CLEC1A: variants seen among roughly 807,000 people sequenced by gnomAD.
The protein encoded by CLEC1A is C-type lectin-like receptor-1.
A neutral mutation model predicts 28.7 loss-of-function variants in CLEC1A; 34 were observed. That is an observed-to-expected ratio of 1.18 (90% CI 0.90 to 1.57). The LOEUF (loss-of-function observed/expected upper bound fraction) is 1.57. Among genes scored for constraint, CLEC1A ranks in the 40% most tolerant of loss-of-function variants. The probability of loss-of-function intolerance (pLI) is 0.00; values close to 1 mark genes in which losing one functional copy is unlikely to be tolerated. For missense variants in CLEC1A, 385 were observed against 339.5 expected (o/e 1.13, Z -1.05); for synonymous variants, 116 against 121.0 (o/e 0.96, Z 0.27).
intron 2 of CLEC1A, among the ~76,000 whole-genome samples, chr12:10,085,091 C>T (rs1022997565): frequency 7.3e-5 from 11 of 151,664 alleles, no homozygotes; most frequent in Admixed American, 1.3e-4. Context: ...CAAGACAGAG[C>T]TACAAGAAAT....
At chr12:10,075,745 A>AT (rs1866239349) in intron 3 of CLEC1A, 90 bp from the exon 4 acceptor site, 1 of 1,118,110 alleles carries the variant, frequency 8.9e-7, no homozygotes, top group South Asian at 1.5e-5. Context: ...GTCCTAAGAA[A>AT]GAATTAACTC....
Position 10,069,881 on chromosome 12 carries a change from A to G in CLEC1A, c.*1452T>C, listed in dbSNP as rs1866090681. On this transcript the variant is annotated 3_prime_UTR_variant, in exon 6 of 6. Coordinates refer to ENST00000315330, the MANE Select transcript of CLEC1A (RefSeq NM_016511.4). ...ATGAAGTTTATGAAAATGAGCACCAATGTGTTCTTTCTATCATATGATTGC... is the reference window on the plus strand; with the variant it reads ...ATGAAGTTTATGAAAATGAGCACCAGTGTGTTCTTTCTATCATATGATTGC... The G allele has an allele frequency of 6.6e-6, 1 of 152,224 alleles. No homozygotes were observed. The highest frequency in any genetic ancestry group is 1.9e-4 in the East Asian group (1 of 5,200). The allele number at this position is 152,224 out of a possible 1,614,324, so 9.4% of individuals were successfully genotyped here.
intron 4 of CLEC1A, among the ~76,000 whole-genome samples, chr12:10,074,614 G>C (rs1175304650): frequency 6.6e-6 from 1 of 152,032 alleles, no homozygotes; most frequent in South Asian, 2.1e-4. Flanking sequence ...AAATTAGGAG[G>C]GTTTATGCTA....
At chr12:10,086,842 CACAGAACAAAAAGAAAACT>C (rs908127377) in intron 2 of CLEC1A, among the ~76,000 whole-genome samples, 1 of 152,004 alleles carries the variant, frequency 6.6e-6, no homozygotes, top group Admixed American at 6.6e-5. Flanking sequence ...ACCAGGAAAG[CACAGAACAAAAAGAAAACT>C]ACAGACCAAT....
intron 1 of CLEC1A, among the ~76,000 whole-genome samples, chr12:10,091,804 A>C (rs1445909019): frequency 4.6e-5 from 7 of 152,178 alleles, no homozygotes. Context: ...ATGTGAGCCC[A>C]CCACCATGGT....
chr12:10,092,360 C>T (rs747836007), intron 1 of CLEC1A: 1 of 324,770 alleles, frequency 3.1e-6, no homozygotes, highest in South Asian at 2.3e-5. Flanking sequence ...AAGATAGCAA[C>T]ATAGTGAGAC....
intron 1 of CLEC1A, among the ~76,000 whole-genome samples, chr12:10,093,037 T>A (rs1448929278): frequency 6.6e-6 from 1 of 152,146 alleles, no homozygotes; most frequent in South Asian, 2.1e-4. Context: ...TGACGGAAAG[T>A]CCATGAAACT....
At chr12:10,091,175 C>G (rs1201996075) in intron 1 of CLEC1A, among the ~76,000 whole-genome samples, 1 of 152,166 alleles carries the variant, frequency 6.6e-6, no homozygotes, top group African/African-American at 2.4e-5. Context: ...TTGTCTGTCT[C>G]CTTTCTCTCC....
chr12:10,077,430 A>G (rs890414888), intron 3 of CLEC1A, among the ~76,000 whole-genome samples: 1 of 152,114 alleles, frequency 6.6e-6, no homozygotes, highest in African/African-American at 2.4e-5. Context: ...TGCTCCCCCC[A>G]AAAATATATA....
chr12:10,087,229 C>G (rs1203635080), intron 2 of CLEC1A, among the ~76,000 whole-genome samples: 1 of 134,450 alleles, frequency 7.4e-6, no homozygotes. Context: ...AAAAGACTAG[C>G]TAACTGAATC....
chr12:10,087,267 C>G (rs994390106), intron 2 of CLEC1A, among the ~76,000 whole-genome samples: 5 of 149,272 alleles, frequency 3.3e-5, no homozygotes, highest in African/African-American at 4.9e-5. Flanking sequence ...GATAATACCC[C>G]ATGATAAAGT....
chr12:10,091,327 A>T (rs1281075004), intron 1 of CLEC1A, among the ~76,000 whole-genome samples: 1 of 152,208 alleles, frequency 6.6e-6, no homozygotes, highest in African/African-American at 2.4e-5. Flanking sequence ...TAAAAAATTA[A>T]TATGACTTAA....
intron 5 of CLEC1A, among the ~76,000 whole-genome samples, chr12:10,072,755 T>C (rs1021661826): frequency 6.6e-6 from 1 of 152,180 alleles, no homozygotes; most frequent in Non-Finnish European, 1.5e-5. Context: ...GCTATGTATC[T>C]GTCTCCCTCA....
At chr12:10,087,471 GTTATATATATATAT>G (rs1404350295) in intron 2 of CLEC1A, among the ~76,000 whole-genome samples, 2 of 56,658 alleles carry the variant, frequency 3.5e-5, no homozygotes, top group Non-Finnish European at 6.0e-5. Flanking sequence ...ATACCTCAAA[GTTATATATATATAT>G]ATATATATAT....
intron 2 of CLEC1A, among the ~76,000 whole-genome samples, chr12:10,081,829 TG>T (rs1401342393): frequency 6.6e-6 from 1 of 151,850 alleles, no homozygotes; most frequent in Non-Finnish European, 1.5e-5. Flanking sequence ...ATGTGTGAAG[TG>T]GGGAAAACCC....
At chr12:10,078,114 T>C (rs1029117651) in intron 3 of CLEC1A, among the ~76,000 whole-genome samples, 9 of 152,232 alleles carry the variant, frequency 5.9e-5, no homozygotes, top group Non-Finnish European at 4.4e-5. Context: ...AGCCATCTCT[T>C]ATCTGATTTC....
rs200437169 is a variant in CLEC1A, at chr12:10,087,472, TTATATATATATATATATATATA to T, written c.214+1630_214+1651del. ...GGCATATAAAGGACATACCTCAAAG[TTATATATATATATATATATATA>T]TATATATATATATATATATATATAT... is the stretch of plus-strand genomic sequence containing the variant. On this transcript the variant is annotated intron_variant, in intron 2 of 5. Transcript: ENST00000315330. Among the ~76,000 whole-genome samples, 102 of 75,182 alleles carry T rather than the reference TTATATATATATATATATATATA, an allele frequency of 1.4e-3. 1 individual carries two copies. Among genetic ancestry groups the T allele is most frequent in the East Asian group, 3.6e-3 (4 of 1,122 alleles). 49.3% of individuals were successfully genotyped at this position (75,182 alleles called of 152,430 possible).
At chr12:10,085,282 T>C (rs1342562280) in intron 2 of CLEC1A, among the ~76,000 whole-genome samples, 1 of 146,158 alleles carries the variant, frequency 6.8e-6, no homozygotes, top group Non-Finnish European at 1.5e-5. Flanking sequence ...GCATAATGAA[T>C]AGAACAGTAC....
Position 10,071,305 on chromosome 12 carries a change from TCTG to T in CLEC1A, c.*25_*27del. On this transcript the variant is annotated 3_prime_UTR_variant, in exon 6 of 6. Transcript: ENST00000315330. ...CTTGCTTTGGCACCGCCTGGCTCACTCTGCTATTTGTAGTTGCAGAGGGCGAAT... is the reference window on the plus strand; with the variant it reads ...CTTGCTTTGGCACCGCCTGGCTCACTCTATTTGTAGTTGCAGAGGGCGAAT... 2 of 1,603,766 alleles carry T rather than the reference TCTG, an allele frequency of 1.2e-6. No individual in the cohort carries two copies. The highest frequency in any genetic ancestry group is 1.7e-6 in the Non-Finnish European group (2 of 1,174,584).
Sources: allele counts gnomAD v4.1 joint callset (sites outside exome capture counted in the v4.1 genomes callset), GRCh38; gene constraint gnomAD v4.1.1; transcripts MANE v1.5; gene names NCBI Gene and HGNC (gene_info 2026-07-23, HGNC 2026-07-21).